SLC39A11: variants seen among roughly 807,000 people sequenced by gnomAD.
SLC39A11 encodes the protein solute carrier family 39 member 11.
A neutral mutation model predicts 36.1 loss-of-function variants in SLC39A11; 33 were observed. The ratio of observed to expected loss-of-function variants is 0.91; its 90% CI spans 0.69 to 1.22. The LOEUF (loss-of-function observed/expected upper bound fraction) is 1.22, where lower values mean the gene tolerates loss of function less well. Among genes scored for constraint, SLC39A11 ranks in the 50% most tolerant of loss-of-function variants. The pLI is 0.00. For missense variants in SLC39A11, 432 were observed against 430.3 expected, an observed-to-expected ratio of 1.00 and a Z score of -0.03; for synonymous variants, 166 against 170.3, an observed-to-expected ratio of 0.97 and a Z score of 0.20.
intron 1 of SLC39A11, chr17:73,092,134 A>T (rs1034790884): frequency 2.6e-5 from 4 of 152,098 alleles, no homozygotes; most frequent in African/African-American, 2.4e-5. Context: ...TTAGTTAGAA[A>T]TGCACACTGT....
chr17:73,031,308 T>G (rs2058731840), intron 4 of SLC39A11, among the ~76,000 whole-genome samples: 1 of 147,696 alleles, frequency 6.8e-6, no homozygotes, highest in Admixed American at 6.7e-5. Flanking sequence ...AGCTGTACTC[T>G]ATATTTTTAA....
At chr17:72,988,021 G>A (rs2088890151) in intron 4 of SLC39A11, among the ~76,000 whole-genome samples, 1 of 152,188 alleles carries the variant, frequency 6.6e-6, no homozygotes, top group African/African-American at 2.4e-5. Context: ...ACATAGGTGT[G>A]TATATTTATG....
At chr17:72,883,155 A>G (rs1388501425) in intron 5 of SLC39A11, among the ~76,000 whole-genome samples, 2 of 152,168 alleles carry the variant, frequency 1.3e-5, no homozygotes, top group Non-Finnish European at 2.9e-5. Flanking sequence ...TGCATCCTTA[A>G]GGCATACTGG....
At chr17:72,873,798 A>G (rs8075767) in intron 5 of SLC39A11, among the ~76,000 whole-genome samples, 89,877 of 152,084 alleles carry the variant, frequency 0.59, 29,489 homozygotes, top group African/African-American at 0.89. Flanking sequence ...CCCCACCCCC[A>G]CAACAAATCT....
intron 6 of SLC39A11, among the ~76,000 whole-genome samples, chr17:72,768,541 G>A (rs748463784): frequency 6.6e-6 from 1 of 152,052 alleles, no homozygotes; most frequent in Non-Finnish European, 1.5e-5. Context: ...TCCCATGAGG[G>A]GCTGTGTGTA....
intron 7 of SLC39A11, among the ~76,000 whole-genome samples, chr17:72,672,374 A>C (rs977511387): frequency 6.6e-6 from 1 of 152,170 alleles, no homozygotes; most frequent in African/African-American, 2.4e-5. Flanking sequence ...GCTTGAACCC[A>C]GGAGGTGGAT....
chr17:72,729,437 ATATATATATATATATATATATTTT>A (rs2074101115), intron 7 of SLC39A11, among the ~76,000 whole-genome samples: 2 of 2,514 alleles, frequency 8.0e-4, no homozygotes, highest in African/African-American at 3.9e-3. Context: ...ATATATATAT[ATATATATATATATATATATATTTT>A]TTTTTTTTTT....
chr17:72,779,569 A>C (rs2076241710), intron 6 of SLC39A11, among the ~76,000 whole-genome samples: 1 of 152,166 alleles, frequency 6.6e-6, no homozygotes, highest in Non-Finnish European at 1.5e-5. Flanking sequence ...AGCGCTGTTC[A>C]CCTGACCGTG....
At chr17:73,000,001 C>A (rs1345425605) in intron 4 of SLC39A11, among the ~76,000 whole-genome samples, 1 of 152,128 alleles carries the variant, frequency 6.6e-6, no homozygotes. Context: ...CTCAGCCTCC[C>A]AAAGTGCTGG....
chr17:72,936,310 G>GT (rs752001519), intron 5 of SLC39A11, among the ~76,000 whole-genome samples: 10 of 149,942 alleles, frequency 6.7e-5, no homozygotes, highest in Non-Finnish European at 1.0e-4. Context: ...CCAATGTGCA[G>GT]TGTGGCTTAT....
At chr17:72,998,400 T>C (rs11077650) in intron 4 of SLC39A11, among the ~76,000 whole-genome samples, 152,317 of 152,318 alleles carry the variant, frequency 1, 76,158 homozygotes, top group Non-Finnish European at 1. Context: ...GGAAGCCTTT[T>C]ATGACTCTCC....
intron 7 of SLC39A11, among the ~76,000 whole-genome samples, chr17:72,729,478 T>TTG (rs1555650678): frequency 1.9e-4 from 14 of 72,832 alleles, no homozygotes; most frequent in Admixed American, 7.8e-4. Context: ...TTTTTTTTTT[T>TTG]GTAGAGACAG....
At chr17:73,052,417 C>T (rs145679973) in intron 3 of SLC39A11, among the ~76,000 whole-genome samples, 24 of 151,900 alleles carry the variant, frequency 1.6e-4, no homozygotes, top group African/African-American at 5.8e-4. Context: ...AAATTTTCCA[C>T]CACGCAGAAC....
At chr17:72,967,521 G>A (rs149078849) in intron 4 of SLC39A11, among the ~76,000 whole-genome samples, 11 of 152,046 alleles carry the variant, frequency 7.2e-5, no homozygotes, top group East Asian at 1.9e-4. Flanking sequence ...AAAAGAGGGT[G>A]GTATGTCCAC....
At chr17:72,841,581 T>G (rs923591625) in intron 6 of SLC39A11, among the ~76,000 whole-genome samples, 6 of 151,946 alleles carry the variant, frequency 3.9e-5, no homozygotes, top group Non-Finnish European at 8.8e-5. Context: ...GGGAAAGTAG[T>G]GATGGTTAAT....
chr17:73,021,016 C>A (rs140247173), intron 4 of SLC39A11, among the ~76,000 whole-genome samples: 322 of 152,188 alleles, frequency 2.1e-3, no homozygotes, highest in East Asian at 0.018. Context: ...CAGTGCTTTT[C>A]ACAGAACTCC....
At chr17:72,704,898 G>C (rs1386731964) in intron 7 of SLC39A11, among the ~76,000 whole-genome samples, 2 of 152,226 alleles carry the variant, frequency 1.3e-5, no homozygotes, top group African/African-American at 2.4e-5. Context: ...GAGCTATTGA[G>C]AGGAGACGGT....
At chr17:72,866,716 C>A (rs1196559420) in intron 5 of SLC39A11, among the ~76,000 whole-genome samples, 1 of 152,148 alleles carries the variant, frequency 6.6e-6, no homozygotes, top group Non-Finnish European at 1.5e-5. Context: ...GAATGCAATG[C>A]AAAGCACAAA....
intron 5 of SLC39A11, among the ~76,000 whole-genome samples, chr17:72,867,682 C>T (rs1397696761): frequency 6.6e-6 from 1 of 151,948 alleles, no homozygotes; most frequent in African/African-American, 2.4e-5. Context: ...GAGTATAAAT[C>T]TTGAGCCAGG....
Sources: gnomAD v4.1 joint callset for allele counts (sites outside exome capture counted in the v4.1 genomes callset) on GRCh38, gnomAD v4.1.1 for gene constraint, MANE v1.5 for transcripts, NCBI Gene and HGNC (gene_info 2026-07-23, HGNC 2026-07-21) for gene names.